Variants in MAMDC2 observed in about 807,000 individuals in gnomAD.
The protein encoded by MAMDC2 is MAM domain containing 2.
MAMDC2 carries 57 observed loss-of-function variants against 89.8 expected under a neutral mutation model. The observed-to-expected ratio is 0.63, with a 90% confidence interval of 0.51 to 0.79. The LOEUF is 0.79. Ranked by LOEUF, MAMDC2 falls within the 30% of genes least tolerant of loss-of-function variation. The pLI is 0.00. For synonymous variants in MAMDC2, 313 were observed against 293.4 expected, an observed-to-expected ratio of 1.07 and a Z score of -0.68; for missense variants, 800 against 820.6, an observed-to-expected ratio of 0.97 and a Z score of 0.31.
At chr9:70,138,005 C>T (rs181920436) in intron 7 of MAMDC2, among the ~76,000 whole-genome samples, 1 of 152,276 alleles carries the variant, frequency 6.6e-6, no homozygotes, top group Non-Finnish European at 1.5e-5. Context: ...TCCATCCTGG[C>T]GTAACATACA....
At chr9:70,107,267 T>C (rs1828367260) in intron 2 of MAMDC2, among the ~76,000 whole-genome samples, 2 of 152,140 alleles carry the variant, frequency 1.3e-5, no homozygotes, top group South Asian at 4.1e-4. Flanking sequence ...CCAACTTTTA[T>C]AGAAATGCTT....
intron 2 of MAMDC2, among the ~76,000 whole-genome samples, chr9:70,091,807 T>C (rs1032211535): frequency 1.3e-5 from 2 of 152,184 alleles, no homozygotes; most frequent in African/African-American, 4.8e-5. Flanking sequence ...AGTGTTATTG[T>C]CATCAAAACC....
At chr9:70,186,583 TTTAATA>T (rs2032758856) in intron 11 of MAMDC2, among the ~76,000 whole-genome samples, 1 of 152,230 alleles carries the variant, frequency 6.6e-6, no homozygotes, top group Non-Finnish European at 1.5e-5. Flanking sequence ...TCTGGGTGCA[TTTAATA>T]TTTTCTCCTC....
At chr9:70,082,818 C>G (rs1466509650) in intron 2 of MAMDC2, 2 of 152,096 alleles carry the variant, frequency 1.3e-5, no homozygotes, top group Non-Finnish European at 2.9e-5. Flanking sequence ...TGAAGAGAGG[C>G]AATTCCTTGT....
At position 70,226,890 on chromosome 9, in the gene MAMDC2, GA is replaced by G. The variant is rs2118711607; in HGVS notation, c.*862del. The G allele has an allele frequency of 6.6e-6, 1 of 152,070 alleles. No individual in the cohort carries two copies. Among genetic ancestry groups the G allele is most frequent in the Admixed American group, 6.5e-5 (1 of 15,278 alleles). 9.4% of individuals were successfully genotyped at this position (152,070 alleles called of 1,614,324 possible). A position where few individuals can be genotyped will look rare whatever the true frequency, so the allele number is the denominator to read the frequency against. ...TAAACTGCTTTTATTTACTTGTTTA[GA>G]AAATTGTATATATATGTTTGTGTAT... On this transcript the variant is annotated 3_prime_UTR_variant, in exon 14 of 14. Coordinates refer to ENST00000377182, the MANE Select transcript of MAMDC2 (RefSeq NM_153267.5).
intron 11 of MAMDC2, among the ~76,000 whole-genome samples, chr9:70,213,638 TAAAG>T (rs1237170580): frequency 6.6e-6 from 1 of 152,194 alleles, no homozygotes; most frequent in African/African-American, 2.4e-5. Flanking sequence ...TAGAAAATGT[TAAAG>T]AAAATATGTA....
At chr9:70,163,336 C>A (rs901414732) in intron 9 of MAMDC2, among the ~76,000 whole-genome samples, 1 of 151,114 alleles carries the variant, frequency 6.6e-6, no homozygotes, top group East Asian at 2.0e-4. Flanking sequence ...TCAAGTGACT[C>A]TCCTGCCTCA....
chr9:70,138,757 G>C (rs1179507544), intron 7 of MAMDC2, among the ~76,000 whole-genome samples: 2 of 152,078 alleles, frequency 1.3e-5, no homozygotes, highest in Non-Finnish European at 2.9e-5. Context: ...GGTATTTATA[G>C]AACAGGGTAA....
At chr9:70,147,104 A>C (rs2031429615) in intron 9 of MAMDC2, among the ~76,000 whole-genome samples, 1 of 149,208 alleles carries the variant, frequency 6.7e-6, no homozygotes, top group South Asian at 2.2e-4. Flanking sequence ...AAAAATACAA[A>C]AATTAGTCAG....
At chr9:70,178,707 C>T (rs750900472) in intron 11 of MAMDC2, among the ~76,000 whole-genome samples, 11 of 152,114 alleles carry the variant, frequency 7.2e-5, no homozygotes, top group Admixed American at 2.0e-4. Context: ...TCCATATTTC[C>T]TGAATACCCA....
chr9:70,209,840 G>T (rs1321435336), intron 11 of MAMDC2, among the ~76,000 whole-genome samples: 1 of 152,116 alleles, frequency 6.6e-6, no homozygotes, highest in Non-Finnish European at 1.5e-5. Flanking sequence ...TTGTGTCTTT[G>T]TTCCCATTGG....
Position 70,226,010 on chromosome 9 carries a change from A to G in MAMDC2, c.2039A>G (p.Asp680Gly), listed in dbSNP as rs144080628. 3 of 1,583,250 alleles carry G rather than the reference A, an allele frequency of 1.9e-6. No individual in the cohort carries two copies. The highest frequency in any genetic ancestry group is 2.6e-6 in the Non-Finnish European group (3 of 1,162,434). ...CAACAATCATCAGGATATTCTGAGG[A>G]CTTAAATGAAATTGAGTATTAAGAA... Reference protein sequence around the residue: ...TTQQSSGYSEDLNEIEY With the variant: ...TTQQSSGYSEGLNEIEY The change falls in exon 14 of 14, where the codon GAC (aspartate) becomes GGC (glycine). Residue 680 changes from aspartate to glycine, a missense_variant. Coordinates refer to ENST00000377182, the MANE Select transcript of MAMDC2 (RefSeq NM_153267.5).
intron 7 of MAMDC2, among the ~76,000 whole-genome samples, chr9:70,139,527 A>T (rs2031129776): frequency 6.6e-6 from 1 of 151,702 alleles, no homozygotes; most frequent in Non-Finnish European, 1.5e-5. Context: ...TCATTGTTGG[A>T]CATTTGGGGT....
chr9:70,118,738 C>T (rs1035390667), intron 5 of MAMDC2, among the ~76,000 whole-genome samples: 2 of 152,130 alleles, frequency 1.3e-5, no homozygotes, highest in African/African-American at 4.8e-5. Context: ...AGAAACAGCA[C>T]GTAGAAGGGA....
chr9:70,206,783 C>A (rs545500280), intron 11 of MAMDC2, among the ~76,000 whole-genome samples: 6 of 152,244 alleles, frequency 3.9e-5, no homozygotes, highest in African/African-American at 9.6e-5. Flanking sequence ...TCCTCTCTCT[C>A]CCCACCCCAC....
chr9:70,071,367 A>G (rs1286344753), intron 2 of MAMDC2, among the ~76,000 whole-genome samples: 1 of 152,112 alleles, frequency 6.6e-6, no homozygotes, highest in Admixed American at 6.5e-5. Flanking sequence ...TTTCCATGCA[A>G]GTAGAAATAA....
chr9:70,225,804 G>T lies in MAMDC2; in HGVS notation c.1966G>T (p.Asp656Tyr). ...VSIRSDIAIDDVKFQAGPCGE... is the reference protein window; with the variant it reads ...VSIRSDIAIDYVKFQAGPCGE... The stretch of plus-strand genomic sequence containing the variant: ...AATAAGAAGTGATATTGCCATTGAT[G>T]ATGTTAAATTTCAGGCAGGACCCTG... Residue 656 changes from aspartate to tyrosine, a missense_variant, in exon 13 of 14, where the codon GAT (aspartate) becomes TAT (tyrosine). Coordinates refer to ENST00000377182, the MANE Select transcript of MAMDC2 (RefSeq NM_153267.5). 1 of 1,611,252 alleles carries T rather than the reference G, an allele frequency of 6.2e-7. No individual in the cohort carries two copies. The highest frequency in any genetic ancestry group is 1.1e-5 in the South Asian group (1 of 90,938).
At chr9:70,168,465 C>T (rs2032234487) in intron 9 of MAMDC2, 1 of 399,238 alleles carries the variant, frequency 2.5e-6, no homozygotes, top group East Asian at 5.1e-5. Context: ...ACACTCCAGC[C>T]TTGGCGACAG....
intron 2 of MAMDC2, among the ~76,000 whole-genome samples, chr9:70,103,446 C>T (rs1209664274): frequency 6.6e-6 from 1 of 151,956 alleles, no homozygotes; most frequent in Non-Finnish European, 1.5e-5. Context: ...CATCTATCCT[C>T]AACTGATTTC....
Sources: gnomAD v4.1 joint callset for allele counts (sites outside exome capture counted in the v4.1 genomes callset) on GRCh38, gnomAD v4.1.1 for gene constraint, MANE v1.5 for transcripts, NCBI Gene and HGNC (gene_info 2026-07-23, HGNC 2026-07-21) for gene names.